The following TNRC6A variants were observed in gnomAD, a reference collection of about 807,000 sequenced individuals.
The protein encoded by TNRC6A is trinucleotide repeat containing adaptor 6A.
TNRC6A carries 44 observed loss-of-function variants against 221.2 expected under a neutral mutation model. The observed-to-expected ratio is 0.20, with a 90% CI of 0.16 to 0.26. The LOEUF is 0.26. Ranked by LOEUF, TNRC6A falls within the 10% of genes least tolerant of loss-of-function variation. The probability of loss-of-function intolerance (pLI) is 1.00; values close to 1 mark genes in which losing one functional copy is unlikely to be tolerated. For synonymous variants in TNRC6A, 847 were observed against 838.5 expected, an observed-to-expected ratio of 1.01 and a Z score of -0.18; for missense variants, 2,199 against 2,404.4, an observed-to-expected ratio of 0.91 and a Z score of 1.79.
chr16:24,797,350 C>A, intron 9 of TNRC6A, 140 bp from the exon 10 acceptor site: 1 of 569,734 alleles, frequency 1.8e-6, no homozygotes, highest in Non-Finnish European at 3.0e-6. Context: ...TTATTAACAA[C>A]TCTGATAAGA....
At chr16:24,761,637 T>G (rs1317553486) in intron 4 of TNRC6A, among the ~76,000 whole-genome samples, 3 of 152,116 alleles carry the variant, frequency 2.0e-5, no homozygotes, top group Non-Finnish European at 1.5e-5. Flanking sequence ...CCTTGAACTT[T>G]TGGGCTCAAG....
chr16:24,775,815 A>G (rs1369609168), intron 4 of TNRC6A, among the ~76,000 whole-genome samples: 1 of 152,216 alleles, frequency 6.6e-6, no homozygotes, highest in African/African-American at 2.4e-5. Flanking sequence ...TGCCCTCACC[A>G]GTAACATGGG....
intron 2 of TNRC6A, among the ~76,000 whole-genome samples, chr16:24,659,746 T>C (rs956252698): frequency 5.3e-5 from 8 of 152,202 alleles, no homozygotes; most frequent in African/African-American, 1.9e-4. Flanking sequence ...CCCAGCCCTA[T>C]CTTTCTTGTA....
rs2058852283 is a variant in TNRC6A, at chr16:24,825,968, T to C, written c.*2161T>C. 1 of 152,682 alleles carries C rather than the reference T, an allele frequency of 6.5e-6. No homozygotes were observed. The highest frequency in any genetic ancestry group is 1.5e-5 in the Non-Finnish European group (1 of 68,048). 9.5% of individuals were successfully genotyped at this position (152,682 alleles called of 1,614,324 possible). On this transcript the variant is annotated 3_prime_UTR_variant, in exon 25 of 25. Transcript: ENST00000395799. Reference sequence around the variant, plus strand: ...CAACTTGCCAGGTGTGAGCTAATGTTGTCGGACACCTTACTATAAGCAAAT... The same window carrying C: ...CAACTTGCCAGGTGTGAGCTAATGTCGTCGGACACCTTACTATAAGCAAAT...
intron 2 of TNRC6A, among the ~76,000 whole-genome samples, chr16:24,672,513 C>T (rs1014457949): frequency 1.3e-5 from 2 of 152,106 alleles, no homozygotes; most frequent in Non-Finnish European, 2.9e-5. Context: ...GTGATCACGG[C>T]TCACTGCAAC....
intron 7 of TNRC6A, among the ~76,000 whole-genome samples, chr16:24,794,050 C>T (rs902490797): frequency 5.3e-5 from 8 of 152,030 alleles, no homozygotes; most frequent in Non-Finnish European, 1.2e-4. Context: ...CAGAAAAGAC[C>T]CAAGATTGAA....
At chr16:24,651,641 T>G (rs1902667866) in intron 2 of TNRC6A, among the ~76,000 whole-genome samples, 1 of 150,548 alleles carries the variant, frequency 6.6e-6, no homozygotes, top group African/African-American at 2.4e-5. Flanking sequence ...GGAAGATCAC[T>G]TGAGCCCAGG....
intron 2 of TNRC6A, among the ~76,000 whole-genome samples, chr16:24,695,040 T>C (rs1052954821): frequency 1.1e-4 from 17 of 152,194 alleles, no homozygotes; most frequent in Non-Finnish European, 2.4e-4. Context: ...AGCTTTAATT[T>C]GATTCAGAAA....
rs2058428981 is a variant in TNRC6A at position 24,806,219 on chromosome 16, A to G, written c.4265A>G (p.Gln1422Arg). The G allele has an allele frequency of 1.2e-6, 2 of 1,614,224 alleles. No homozygotes were observed. Among genetic ancestry groups the G allele is most frequent in the Non-Finnish European group, 1.7e-6 (2 of 1,180,050 alleles). ...TCTTTCCTCTAGCGATTGTTAGCGCAGCAGCAAAGGGCGCAGAGTCAGAGA... is the reference window on the plus strand; with the variant it reads ...TCTTTCCTCTAGCGATTGTTAGCGCGGCAGCAAAGGGCGCAGAGTCAGAGA... ...QISQLQRLLA[Q>R]QQRAQSQRSV... is the part of the protein sequence containing the mutation. The change falls in exon 16 of 25, where the codon CAG becomes CGG. Residue 1422 changes from glutamine to arginine, a missense_variant. Physicochemically the swap from Gln to Arg is conservative, Grantham distance 43 (BLOSUM62 1). Around this residue, in one of 8 missense-constraint regions of TNRC6A, gnomAD observed 449 missense variants for 579.7 expected, o/e 0.77. Coordinates refer to ENST00000395799, the MANE Select transcript of TNRC6A (RefSeq NM_014494.4).
intron 2 of TNRC6A, among the ~76,000 whole-genome samples, chr16:24,735,887 G>A (rs962494104): frequency 2.0e-5 from 3 of 152,092 alleles, no homozygotes; most frequent in Admixed American, 1.3e-4. Flanking sequence ...AAAATTGGCC[G>A]GGCACAGTGG....
intron 2 of TNRC6A, among the ~76,000 whole-genome samples, chr16:24,658,217 A>G (rs1188191395): frequency 6.6e-6 from 1 of 152,152 alleles, no homozygotes; most frequent in Non-Finnish European, 1.5e-5. Context: ...CAGAGTTCTA[A>G]AACTGTGGAC....
chr16:24,653,778 CA>C (rs11285795), intron 2 of TNRC6A, among the ~76,000 whole-genome samples: 93,631 of 140,626 alleles, frequency 0.67, 32,714 homozygotes, highest in East Asian at 0.91. Flanking sequence ...GAGACTCTAT[CA>C]AAAAAAAAAA....
At chr16:24,708,507 C>G (rs1394339741) in intron 2 of TNRC6A, among the ~76,000 whole-genome samples, 1 of 152,098 alleles carries the variant, frequency 6.6e-6, no homozygotes, top group Non-Finnish European at 1.5e-5. Context: ...TCTCAAAGTG[C>G]TGGGATTATA....
chr16:24,673,178 A>G (rs1401432924), intron 2 of TNRC6A, among the ~76,000 whole-genome samples: 1 of 152,156 alleles, frequency 6.6e-6, no homozygotes. Flanking sequence ...CCTCTCTACA[A>G]AAATTTTTTA....
rs557745951 is a variant in TNRC6A at position 24,761,553 on chromosome 16, C to CT, written c.163+3203dup. Among the ~76,000 whole-genome samples the CT allele has an allele frequency of 8.8e-5, 13 of 148,546 alleles. No individual in the cohort carries two copies. The South Asian group carries it at 1.3e-3, about 15-fold the overall frequency. ...AACAGTTTTACAACTCTGGCATTGA[C>CT]TTTTTTTTTTCTTTTTTTTTAAGGA... On this transcript the variant is annotated intron_variant, in intron 4 of 24. Coordinates refer to ENST00000395799, the MANE Select transcript of TNRC6A (RefSeq NM_014494.4).
intron 4 of TNRC6A, chr16:24,776,650 A>T: frequency 1.0e-6 from 1 of 985,416 alleles, no homozygotes; most frequent in East Asian, 1.1e-4. Flanking sequence ...GATGTCTTTG[A>T]CCAGAGAGTA....
At chr16:24,810,844 C>A (rs1306165123) in intron 18 of TNRC6A, among the ~76,000 whole-genome samples, 3 of 152,174 alleles carry the variant, frequency 2.0e-5, no homozygotes, top group African/African-American at 7.2e-5. Context: ...GGTCAGTGGA[C>A]ATGAGAGGGA....
chr16:24,808,301 T>A (rs112119049), intron 17 of TNRC6A, among the ~76,000 whole-genome samples: 11 of 152,372 alleles, frequency 7.2e-5, no homozygotes, highest in African/African-American at 2.4e-4. Context: ...ACTTCTTGAT[T>A]AAGAAAGTCT....
At chr16:24,620,513 G>A (rs1460954234) in intron 1 of TNRC6A, among the ~76,000 whole-genome samples, 2 of 152,186 alleles carry the variant, frequency 1.3e-5, no homozygotes, top group Non-Finnish European at 2.9e-5. Flanking sequence ...CTCAGGCTGG[G>A]TGTTCTGGCT....
Sources: gnomAD v4.1 joint callset for allele counts (sites outside exome capture counted in the v4.1 genomes callset) on GRCh38, gnomAD v4.1.1 for gene constraint, gnomAD v4.1.1 regional missense constraint, MANE v1.5 for transcripts, NCBI Gene and HGNC (gene_info 2026-07-23, HGNC 2026-07-21) for gene names.